The following MRPS5 variants were observed in gnomAD, a reference collection of about 807,000 sequenced individuals.
MRPS5 encodes mitochondrial ribosomal protein S5, also known as small ribosomal subunit protein uS5m.
Under a neutral mutation model 51.9 loss-of-function variants are expected in MRPS5, and 27 were observed. That is an observed-to-expected ratio of 0.52 (90% CI 0.38 to 0.72). The LOEUF is 0.72. Among genes scored for constraint, MRPS5 ranks in the 30% least tolerant of loss-of-function variants. The pLI is 0.00. For missense variants in MRPS5, 570 were observed against 545.7 expected, an observed-to-expected ratio of 1.04 and a Z score of -0.44; for synonymous variants, 196 against 193.2, an observed-to-expected ratio of 1.01 and a Z score of -0.12.
intron 3 of MRPS5, 81 bp from the exon 4 acceptor site, chr2:95,110,122 A>G (rs1676074910): frequency 2.6e-6 from 4 of 1,520,526 alleles, no homozygotes; most frequent in Non-Finnish European, 8.9e-7. Flanking sequence ...TAATAAGAGA[A>G]GTGGAGGTCA....
intron 10 of MRPS5, among the ~76,000 whole-genome samples, chr2:95,094,594 G>T (rs1573328525): frequency 6.6e-6 from 1 of 152,040 alleles, no homozygotes; most frequent in Non-Finnish European, 1.5e-5. Flanking sequence ...ATTCTTAAAA[G>T]AATTTTCAAC....
intron 10 of MRPS5, among the ~76,000 whole-genome samples, chr2:95,098,211 A>G (rs958005429): frequency 7.9e-4 from 120 of 152,306 alleles, no homozygotes; most frequent in African/African-American, 2.7e-3. Context: ...AGAGGATGTA[A>G]AGAAACAGGA....
intron 11 of MRPS5, among the ~76,000 whole-genome samples, chr2:95,089,528 G>A (rs1164277484): frequency 6.6e-6 from 1 of 152,226 alleles, no homozygotes; most frequent in Non-Finnish European, 1.5e-5. Context: ...TGCAGTCACA[G>A]CCCTGCCCTC....
intron 10 of MRPS5, among the ~76,000 whole-genome samples, chr2:95,098,880 A>T (rs1371446074): frequency 2.6e-5 from 4 of 151,114 alleles, no homozygotes; most frequent in Non-Finnish European, 4.4e-5. Flanking sequence ...ACATAAACAT[A>T]TGGGGACCTT....
In MRPS5 at chr2:95,087,532, A is replaced by G; in HGVS notation, c.1118T>C (p.Ile373Thr). The G allele has an allele frequency of 6.2e-7, 1 of 1,614,134 alleles. No individual in the cohort carries two copies. Among genetic ancestry groups the G allele is most frequent in the Non-Finnish European group, 8.5e-7 (1 of 1,180,024 alleles). ...ADKKGLHVVE[I>T]REECGPLPIV... Reference sequence around the variant, plus strand: ...GGGCAGAGGGCCACATTCCTCCCGGATTTCCACAACATGGAGGCCCTTCTT... The same window carrying G: ...GGGCAGAGGGCCACATTCCTCCCGGGTTTCCACAACATGGAGGCCCTTCTT... Residue 373 changes from isoleucine to threonine, a missense_variant, in exon 12 of 12, where the codon ATC becomes ACC. Coordinates refer to ENST00000272418, the MANE Select transcript of MRPS5 (RefSeq NM_031902.5).
intron 6 of MRPS5, 127 bp from the exon 7 acceptor site, chr2:95,104,857 T>G (rs1675905257): frequency 5.6e-6 from 4 of 717,112 alleles, no homozygotes; most frequent in Non-Finnish European, 9.3e-6. Context: ...CACACCATCC[T>G]CCAACTCCTG....
At chr2:95,114,691 T>C (rs1226333622) in intron 3 of MRPS5, among the ~76,000 whole-genome samples, 1 of 152,228 alleles carries the variant, frequency 6.6e-6, no homozygotes, top group South Asian at 2.1e-4. Flanking sequence ...ATAAGACTAG[T>C]GTTAGTGAAC....
chr2:95,119,681 AG>A (rs1354649081), intron 1 of MRPS5, among the ~76,000 whole-genome samples: 1 of 152,128 alleles, frequency 6.6e-6, no homozygotes, highest in Non-Finnish European at 1.5e-5. Context: ...AGTGCTGGCA[AG>A]GAAGTAGAGA....
intron 6 of MRPS5, among the ~76,000 whole-genome samples, chr2:95,105,115 T>C (rs1368741799): frequency 6.6e-6 from 1 of 152,240 alleles, no homozygotes; most frequent in African/African-American, 2.4e-5. Context: ...TCAGAGATGT[T>C]AAAATGTGAG....
chr2:95,088,564 AAC>A (rs1243682867), intron 11 of MRPS5, among the ~76,000 whole-genome samples: 2 of 152,256 alleles, frequency 1.3e-5, no homozygotes. Context: ...GAAATTAGAA[AAC>A]AGATGAGCCA....
intron 6 of MRPS5, 145 bp downstream of exon 6, chr2:95,106,278 A>G (rs1243062021): frequency 4.2e-6 from 3 of 713,498 alleles, no homozygotes; most frequent in Non-Finnish European, 7.4e-6. Context: ...TTAAAGTTGC[A>G]CAATTTTCCT....
intron 8 of MRPS5, 57 bp from the exon 9 acceptor site, chr2:95,100,951 T>C (rs1222228963): frequency 7.0e-7 from 1 of 1,421,636 alleles, no homozygotes; most frequent in Admixed American, 2.2e-5. Context: ...TTTTCAAGGA[T>C]TCCAAAAACA....
chr2:95,113,198 C>A lies in MRPS5; in HGVS notation c.277+1868G>T, dbSNP rs367659585. 1.1e-4 allele frequency among the ~76,000 whole-genome samples: 16 copies of A among 151,990 alleles called. No homozygotes were observed. In the East Asian group the frequency reaches 1.2e-3, roughly 11 times the overall value. On this transcript the variant is annotated intron_variant, in intron 3 of 11. Transcript: ENST00000272418. ...CTATTAAAAAATAAAAATTCCCAGCCAGGTGCAGAGGCTCACACCTGTAAT... is the reference window on the plus strand; with the variant it reads ...CTATTAAAAAATAAAAATTCCCAGCAAGGTGCAGAGGCTCACACCTGTAAT...
At chr2:95,089,850 G>C (rs886551968) in intron 11 of MRPS5, among the ~76,000 whole-genome samples, 3 of 152,178 alleles carry the variant, frequency 2.0e-5, no homozygotes, top group African/African-American at 7.2e-5. Flanking sequence ...CTTTAAAAAT[G>C]CTGCTTAGAA....
At chr2:95,104,894 C>G (rs566283634) in intron 6 of MRPS5, among the ~76,000 whole-genome samples, 164 bp from the exon 7 acceptor site, 1 of 152,264 alleles carries the variant, frequency 6.6e-6, no homozygotes, top group Non-Finnish European at 1.5e-5. Context: ...TTTTTCCAAA[C>G]AAAACCTCCT....
rs1315889148 is a variant in MRPS5, at chr2:95,106,279, C to T, written c.672+144G>A. 7 of 717,922 alleles carry T rather than the reference C, an allele frequency of 9.8e-6. No individual in the cohort carries two copies. In the South Asian group the frequency reaches 1.2e-4, roughly 12 times the overall value. The allele number at this position is 717,922 out of a possible 1,614,324, so 44.5% of individuals were successfully genotyped here. On this transcript the variant is annotated intron_variant, in intron 6 of 11. Coordinates refer to ENST00000272418, the MANE Select transcript of MRPS5 (RefSeq NM_031902.5). ...TCCAGTAACTGAAATTAAAGTTGCA[C>T]AATTTTCCTTACGCAGATCAGCTGT... is the stretch of plus-strand genomic sequence containing the variant.
intron 11 of MRPS5, among the ~76,000 whole-genome samples, chr2:95,088,985 T>C (rs1216435527): frequency 6.6e-6 from 1 of 152,142 alleles, no homozygotes; most frequent in Non-Finnish European, 1.5e-5. Context: ...GAGAATCGCT[T>C]GAACCCGTGA....
In MRPS5 at chr2:95,087,590, G is replaced by T; in HGVS notation, c.1069-9C>A. 6.2e-7 allele frequency: 1 copy of T among 1,609,698 alleles called. No individual in the cohort carries two copies. Among genetic ancestry groups the T allele is most frequent in the Non-Finnish European group, 8.5e-7 (1 of 1,177,744 alleles). On this transcript the variant is annotated splice_polypyrimidine_tract_variant and intron_variant, in intron 11 of 11. Transcript: ENST00000272418. ...AGCTGTTGATGGGTTTCCTAAGCAA[G>T]ACCAAATTCAGAACAGGTTAGGTCT...
Position 95,087,123 on chromosome 2 carries a change from T to A in MRPS5, c.*234A>T, listed in dbSNP as rs1421202658. On this transcript the variant is annotated 3_prime_UTR_variant, in exon 12 of 12. Transcript: ENST00000272418. ...CCCTAATTCATTTACTTTTGTTACT[T>A]TGGATGAATATTTAAAGTAGTCTTG... The A allele has an allele frequency of 6.9e-6, 3 of 435,406 alleles. No homozygotes were observed. The highest frequency in any genetic ancestry group is 1.2e-5 in the Non-Finnish European group (3 of 247,708). 27.0% of individuals were successfully genotyped at this position (435,406 alleles called of 1,614,324 possible). A position where few individuals can be genotyped will look rare whatever the true frequency, so the allele number is the denominator to read the frequency against.
Sources: allele counts gnomAD v4.1 joint callset (sites outside exome capture counted in the v4.1 genomes callset), GRCh38; gene constraint gnomAD v4.1.1; transcripts MANE v1.5; gene names NCBI Gene and HGNC (gene_info 2026-07-23, HGNC 2026-07-21).